IL21R: variants seen among roughly 807,000 people sequenced by gnomAD.
IL21R encodes the protein interleukin 21 receptor, also known as interleukin-21 receptor.
In IL21R, 14 loss-of-function variants were observed where a neutral mutation model predicts 41.3. The ratio of observed to expected loss-of-function variants is 0.34; its 90% CI spans 0.22 to 0.53. IL21R has a LOEUF of 0.53. Among genes scored for constraint, IL21R ranks in the 20% least tolerant of loss-of-function variants. The pLI is 0.94. For missense variants in IL21R, 588 were observed against 681.6 expected, an observed-to-expected ratio of 0.86 and a Z score of 1.53; for synonymous variants, 286 against 287.6, an observed-to-expected ratio of 0.99 and a Z score of 0.05.
At chr16:27,405,945 T>C (rs1490904082) in intron 1 of IL21R, among the ~76,000 whole-genome samples, 1 of 152,236 alleles carries the variant, frequency 6.6e-6, no homozygotes, top group Non-Finnish European at 1.5e-5. Context: ...CCCCGACCCC[T>C]GCCCTGAATT....
intron 1 of IL21R, among the ~76,000 whole-genome samples, chr16:27,423,417 A>G (rs1048791465): frequency 1.3e-5 from 2 of 152,210 alleles, no homozygotes; most frequent in African/African-American, 4.8e-5. Context: ...ATCAACACCC[A>G]TGGTAGCTTC....
At chr16:27,435,203 T>C (rs1331839760) in intron 3 of IL21R, among the ~76,000 whole-genome samples, 3 of 152,062 alleles carry the variant, frequency 2.0e-5, no homozygotes, top group African/African-American at 7.2e-5. Flanking sequence ...TGCAGTGAGC[T>C]ATGATCACGC....
At chr16:27,405,929 TGGCCACCCCGA>T (rs2141254354) in intron 1 of IL21R, among the ~76,000 whole-genome samples, 1 of 152,378 alleles carries the variant, frequency 6.6e-6, no homozygotes, top group East Asian at 1.9e-4. Flanking sequence ...AGGAAGGATC[TGGCCACCCCGA>T]CCCCTGCCCT....
chr16:27,421,068 C>G (rs1018198648), intron 1 of IL21R, among the ~76,000 whole-genome samples: 3 of 152,004 alleles, frequency 2.0e-5, no homozygotes, highest in African/African-American at 7.2e-5. Flanking sequence ...AAAGACTATT[C>G]TTTCCCCCAT....
chr16:27,409,460 T>C (rs1313222431), intron 1 of IL21R, among the ~76,000 whole-genome samples: 1 of 151,976 alleles, frequency 6.6e-6, no homozygotes, highest in Non-Finnish European at 1.5e-5. Context: ...GTGATAAAAA[T>C]ATTATTCTGT....
chr16:27,427,463 A>C, intron 1 of IL21R: 1 of 322,258 alleles, frequency 3.1e-6, no homozygotes, highest in Non-Finnish European at 4.5e-6. Flanking sequence ...TAGTGCAATC[A>C]TGGCTCACTG....
intron 7 of IL21R, among the ~76,000 whole-genome samples, chr16:27,445,661 G>C (rs1345814970): frequency 6.6e-6 from 1 of 152,202 alleles, no homozygotes; most frequent in Non-Finnish European, 1.5e-5. Flanking sequence ...GGGGCCACTA[G>C]GTGGTGGTGA....
chr16:27,411,080 G>T (rs763912599), intron 1 of IL21R, among the ~76,000 whole-genome samples: 1 of 152,204 alleles, frequency 6.6e-6, no homozygotes, highest in African/African-American at 2.4e-5. Context: ...ATAAATTTAG[G>T]TTACTTGCTC....
rs535519049 is a variant in IL21R at position 27,430,372 on chromosome 16, C to T, written c.49+252C>T. Among the ~76,000 whole-genome samples, 10 of 152,350 alleles carry T rather than the reference C, an allele frequency of 6.6e-5. No homozygotes were observed. The South Asian group carries it at 2.1e-3, about 32-fold the overall frequency. ...GGTGGCCCAGCCCACAGGCTTGTGT[C>T]TTCGGGTGTCACTGGGGGGATGAAA... On this transcript the variant is annotated intron_variant, in intron 2 of 8. Transcript: ENST00000337929.
rs2087591156 is a variant in IL21R at position 27,451,182 on chromosome 16, T to G, written c.*1899T>G. The G allele has an allele frequency of 4.4e-6, 1 of 228,602 alleles. No individual in the cohort carries two copies. Among genetic ancestry groups the G allele is most frequent in the Non-Finnish European group, 8.5e-6 (1 of 117,194 alleles). 14.2% of individuals were successfully genotyped at this position (228,602 alleles called of 1,614,324 possible). ...TCTTGGGTCCAGATGTGCTGTGGTT[T>G]TCACACCTTCTTGGGGGCAACAGGT... On this transcript the variant is annotated 3_prime_UTR_variant, in exon 9 of 9. Transcript: ENST00000337929.
intron 1 of IL21R, chr16:27,427,428 C>A: frequency 1.6e-6 from 1 of 632,006 alleles, no homozygotes; most frequent in Non-Finnish European, 2.0e-6. Context: ...CAGGGTCTCA[C>A]TCTTTCATTC....
rs1428594166 is a variant in IL21R, at chr16:27,431,326, GC to G, written c.49+1209del. Among the ~76,000 whole-genome samples, 9 of 152,304 alleles carry G rather than the reference GC, an allele frequency of 5.9e-5. No homozygotes were observed. The East Asian group carries it at 1.7e-3, about 29-fold the overall frequency. ...CACATCTGGCGGGTGCAGATAACAA[GC>G]CCTGGCTGCATGCAAAGCTCGGAGC... is the stretch of plus-strand genomic sequence containing the variant. On this transcript the variant is annotated intron_variant, in intron 2 of 8. Coordinates refer to ENST00000337929, the MANE Select transcript of IL21R (RefSeq NM_181078.3).
At chr16:27,415,602 G>A (rs1170667481) in intron 1 of IL21R, among the ~76,000 whole-genome samples, 2 of 152,188 alleles carry the variant, frequency 1.3e-5, no homozygotes. Flanking sequence ...GCGCAGGAAA[G>A]CTTCACCAGA....
intron 8 of IL21R, 116 bp from the exon 9 acceptor site, chr16:27,448,418 G>C: frequency 9.0e-7 from 1 of 1,115,768 alleles, no homozygotes; most frequent in Non-Finnish European, 1.2e-6. Context: ...TGGCACCACT[G>C]CATTCCAGCC....
rs191303058 is a variant in IL21R at position 27,447,285 on chromosome 16, C to T, written c.867+1197C>T. ...ATCACAAACAGTGACTCATTTAATC[C>T]TCACGACGGCCCTACGGGTGGGTGC... On this transcript the variant is annotated intron_variant, in intron 8 of 8. Transcript: ENST00000337929. Among the ~76,000 whole-genome samples the T allele has an allele frequency of 5.8e-4, 89 of 152,222 alleles. No homozygotes were observed. The East Asian group carries it at 0.017, about 29-fold the overall frequency.
In IL21R at chr16:27,450,788, G is replaced by A. The variant is rs753126865; in HGVS notation, c.*1505G>A. 13 of 228,626 alleles carry A rather than the reference G, an allele frequency of 5.7e-5. No individual in the cohort carries two copies. The highest frequency in any genetic ancestry group is 5.0e-4 in the East Asian group (8 of 16,096). 14.2% of individuals were successfully genotyped at this position (228,626 alleles called of 1,614,324 possible). A position where few individuals can be genotyped will look rare whatever the true frequency, so the allele number is the denominator to read the frequency against. ...AGTAGAGCTGGGGCCACCCTGGCCC[G>A]GCCCCGTCTTCCTCCCCAAAGGTCA... On this transcript the variant is annotated 3_prime_UTR_variant, in exon 9 of 9. Coordinates refer to ENST00000337929, the MANE Select transcript of IL21R (RefSeq NM_181078.3).
intron 5 of IL21R, among the ~76,000 whole-genome samples, 194 bp from the exon 6 acceptor site, chr16:27,444,348 C>T (rs1489760100): frequency 2.6e-5 from 4 of 152,062 alleles, no homozygotes; most frequent in Admixed American, 2.0e-4. Context: ...ATCACATGCA[C>T]GGGCCAGGCA....
At position 27,449,050 on chromosome 16, in the gene IL21R, G is replaced by C; in HGVS notation, c.1384G>C (p.Gly462Arg). The C allele has an allele frequency of 6.2e-7, 1 of 1,612,404 alleles. No individual in the cohort carries two copies. The highest frequency in any genetic ancestry group is 1.3e-5 in the African/African-American group (1 of 75,050). Reference sequence around the variant, plus strand: ...TGCAGATGGGGAGGACTGGGCTGGGGGACTGCCCTGGGGTGGCCGGTCACC... The same window carrying C: ...TGCAGATGGGGAGGACTGGGCTGGGCGACTGCCCTGGGGTGGCCGGTCACC... ...PLADGEDWAG[G>R]LPWGGRSPGG... The change falls in exon 9 of 9, where the codon GGA becomes CGA. Residue 462 changes from glycine (G) to arginine (R), a missense_variant. Transcript: ENST00000337929.
chr16:27,446,043 G>A lies in IL21R; in HGVS notation c.822G>A (p.Glu274=), dbSNP rs761822325. Residue 274 remains glutamate, a synonymous_variant, in exon 8 of 9, where the codon GAG becomes GAA. Coordinates refer to ENST00000337929, the MANE Select transcript of IL21R (RefSeq NM_181078.3). ...WKKIWAVPSP[E]RFFMPLYKGC... ...AGATATGGGCCGTCCCCAGCCCTGA[G>A]CGGTTCTTCATGCCCCTGTACAAGG... 6.2e-7 allele frequency: 1 copy of A among 1,613,820 alleles called. No homozygotes were observed. Among genetic ancestry groups the A allele is most frequent in the South Asian group, 1.1e-5 (1 of 91,038 alleles).
Sources: gnomAD v4.1 joint callset for allele counts (sites outside exome capture counted in the v4.1 genomes callset) on GRCh38, gnomAD v4.1.1 for gene constraint, MANE v1.5 for transcripts, NCBI Gene and HGNC (gene_info 2026-07-23, HGNC 2026-07-21) for gene names.